The following NFE2L1 variants were observed in gnomAD, a reference collection of about 807,000 sequenced individuals.
NFE2L1 encodes the protein endoplasmic reticulum membrane sensor NFE2L1.
NFE2L1 carries 18 observed loss-of-function variants against 61.6 expected under a neutral mutation model. The ratio of observed to expected loss-of-function variants is 0.29; its 90% CI spans 0.20 to 0.43. The LOEUF (loss-of-function observed/expected upper bound fraction) is 0.43. Among genes scored for constraint, NFE2L1 ranks in the 20% least tolerant of loss-of-function variants. The probability of loss-of-function intolerance (pLI) is 1.00; values close to 1 mark genes in which losing one functional copy is unlikely to be tolerated. For missense variants in NFE2L1, 827 were observed against 973.5 expected (o/e 0.85, Z 2.00); for synonymous variants, 419 against 402.7 (o/e 1.04, Z -0.48).
chr17:48,058,936 C>T lies in NFE2L1; in HGVS notation c.1614C>T (p.Ala538=), dbSNP rs1254170898. 1.2e-5 allele frequency: 20 copies of T among 1,613,782 alleles called. No individual in the cohort carries two copies. Among genetic ancestry groups the T allele is most frequent in the Middle Eastern group, 1.6e-4 (1 of 6,084 alleles). The change falls in exon 6 of 6, where the codon GCC becomes GCT. Residue 538 remains alanine, a synonymous_variant. Transcript: ENST00000362042. ...CTGAGACCCTGGATCTGGAAGAGGC[C>T]GAGGGTGCTGTGGGCTACCAGCCTG... ...SDSETLDLEE[A]EGAVGYQPEY...
intron 2 of NFE2L1, chr17:48,055,210 T>C: frequency 7.8e-7 from 1 of 1,281,208 alleles, no homozygotes; most frequent in Non-Finnish European, 9.9e-7. Flanking sequence ...TCAGGGGGGG[T>C]TAATGGGAGA....
intron 2 of NFE2L1, chr17:48,054,704 C>G: frequency 7.7e-7 from 1 of 1,294,234 alleles, no homozygotes; most frequent in Non-Finnish European, 9.8e-7. Context: ...GCTTGCTTTC[C>G]TCTGCAGCTT....
chr17:48,054,794 A>G (rs1190464283), intron 2 of NFE2L1: 25 of 1,280,778 alleles, frequency 2.0e-5, no homozygotes, highest in Non-Finnish European at 2.5e-5. Context: ...TGGGCGCCTG[A>G]GTGGAACTGG....
rs1212761191 is a variant in NFE2L1, at chr17:48,059,149, G to A, written c.1827G>A (p.Lys609=). The change falls in exon 6 of 6, where the codon AAG becomes AAA. Residue 609 remains lysine, a synonymous_variant. Transcript: ENST00000362042. This position sits in a 1 kb window ranked among gnomAD's most constrained non-coding sequence, Gnocchi z 6.1. ...AGAAGCAGGCTGACTTCCTGGACAA[G>A]CAGATGAGCCGGGATGAGCACCGAG... ...SKEKQADFLD[K]QMSRDEHRAR... The A allele has an allele frequency of 1.2e-6, 2 of 1,614,076 alleles. No homozygotes were observed. The highest frequency in any genetic ancestry group is 1.7e-6 in the Non-Finnish European group (2 of 1,180,030).
chr17:48,054,545 C>CT (rs2037340225), intron 2 of NFE2L1: 5 of 1,190,328 alleles, frequency 4.2e-6, no homozygotes, highest in Non-Finnish European at 4.2e-6. Context: ...CGCAGCCCAG[C>CT]TGCTGACCTG....
Position 48,058,520 on chromosome 17 carries a change from A to G in NFE2L1, c.1198A>G (p.Asn400Asp), listed in dbSNP as rs780047709. 6.2e-7 allele frequency: 1 copy of G among 1,613,300 alleles called. No individual in the cohort carries two copies. The highest frequency in any genetic ancestry group is 8.5e-7 in the Non-Finnish European group (1 of 1,179,542). ...SSTLLPLAPS[N>D]STSLNSTFGS... ...CACGCTGCTCCCGTTGGCCCCCAGCAATTCTACCAGCCTCAACTCCACCTT... is the reference window on the plus strand; with the variant it reads ...CACGCTGCTCCCGTTGGCCCCCAGCGATTCTACCAGCCTCAACTCCACCTT... Residue 400 changes from asparagine (N) to aspartate (D), a missense_variant, in exon 6 of 6, where the codon AAT becomes GAT. By Grantham distance (23) the Asn-to-Asp change is conservative. Transcript: ENST00000362042.
At position 48,059,152 on chromosome 17, in the gene NFE2L1, G is replaced by A. The variant is rs936946786; in HGVS notation, c.1830G>A (p.Gln610=). The A allele has an allele frequency of 1.2e-6, 2 of 1,614,060 alleles. No homozygotes were observed. Among genetic ancestry groups the A allele is most frequent in the South Asian group, 1.1e-5 (1 of 91,078 alleles). ...AGCAGGCTGACTTCCTGGACAAGCA[G>A]ATGAGCCGGGATGAGCACCGAGCCC... ...KEKQADFLDK[Q]MSRDEHRARA... Residue 610 remains glutamine, a synonymous_variant, in exon 6 of 6, where the codon CAG becomes CAA. Transcript: ENST00000362042. The surrounding 1 kb of genome is among the most constrained non-coding windows in gnomAD (Gnocchi z 6.1).
In NFE2L1 at chr17:48,058,379, C is replaced by G. The variant is rs146514373; in HGVS notation, c.1057C>G (p.Pro353Ala). The change falls in exon 6 of 6, where the codon CCC becomes GCC. Residue 353 changes from proline (P) to alanine (A), a missense_variant. Physicochemically the swap from Pro to Ala is conservative, Grantham distance 27. Around this residue, in one of 3 missense-constraint regions of NFE2L1, gnomAD observed 667 missense variants for 748.4 expected, o/e 0.89. Coordinates refer to ENST00000362042, the MANE Select transcript of NFE2L1 (RefSeq NM_003204.3). ...DPLSTNYSLA[P>A]NTPINQNVSL... ...ACTGAGCACCAACTACAGCCTTGCC[C>G]CCAACACTCCCATCAATCAGAATGT... 55 of 1,614,162 alleles carry G rather than the reference C, an allele frequency of 3.4e-5. No individual in the cohort carries two copies. In the African/African-American group the frequency reaches 6.3e-4, roughly 18 times the overall value.
At chr17:48,056,732 G>T in intron 3 of NFE2L1, 134 bp downstream of exon 3, 1 of 1,148,018 alleles carries the variant, frequency 8.7e-7, no homozygotes, top group Non-Finnish European at 1.2e-6. Context: ...TCTGTTTTGG[G>T]TTGGGGTCTG....
intron 2 of NFE2L1, chr17:48,055,993 A>G (rs911472498): frequency 4.1e-5 from 8 of 195,032 alleles, no homozygotes; most frequent in Non-Finnish European, 7.5e-5. Context: ...TGCCATGGCC[A>G]GCTTCCTCCA....
rs920338298 is a variant in NFE2L1 at position 48,060,352 on chromosome 17, G to A, written c.*711G>A. On this transcript the variant is annotated 3_prime_UTR_variant, in exon 6 of 6. Coordinates refer to ENST00000362042, the MANE Select transcript of NFE2L1 (RefSeq NM_003204.3). ...CTGGCTTTGAGATTTAGAGTCAAAG[G>A]GTAGAGTGAACAGGAAAGGGTCACG... 3.3e-5 allele frequency: 5 copies of A among 152,756 alleles called. No individual in the cohort carries two copies. The highest frequency in any genetic ancestry group is 6.5e-5 in the Admixed American group (1 of 15,282). The allele number at this position is 152,756 out of a possible 1,614,324, so 9.5% of individuals were successfully genotyped here.
At chr17:48,055,155 G>A in intron 2 of NFE2L1, 1 of 1,370,700 alleles carries the variant, frequency 7.3e-7, no homozygotes, top group Non-Finnish European at 9.4e-7. Context: ...GTTCAGGTTG[G>A]TGTATGTGGG....
rs1369707463 is a variant in NFE2L1, at chr17:48,058,709, C to T, written c.1387C>T (p.Pro463Ser). ...CCTGGCCATTGAAGAAGGCTTTAAC[C>T]CTGTGCAGGCCTCCCAGCTGGAGGA... ...MDLAIEEGFN[P>S]VQASQLEEEF... Residue 463 changes from proline to serine, a missense_variant, in exon 6 of 6, where the codon CCT becomes TCT. Coordinates refer to ENST00000362042, the MANE Select transcript of NFE2L1 (RefSeq NM_003204.3). 6.2e-7 allele frequency: 1 copy of T among 1,614,180 alleles called. No individual in the cohort carries two copies. The highest frequency in any genetic ancestry group is 8.5e-7 in the Non-Finnish European group (1 of 1,180,044).
chr17:48,053,795 G>A (rs1008958100), intron 2 of NFE2L1, among the ~76,000 whole-genome samples: 2 of 152,122 alleles, frequency 1.3e-5, no homozygotes, highest in Non-Finnish European at 2.9e-5. Context: ...GATGAGATAT[G>A]GGCCAGGAAT....
chr17:48,056,101 G>A (rs2037393947), intron 2 of NFE2L1: 1 of 390,294 alleles, frequency 2.6e-6, no homozygotes, highest in Non-Finnish European at 4.7e-6. Flanking sequence ...CCTTTTGTCT[G>A]GGTGTGTCTT....
Position 48,056,616 on chromosome 17 carries a change from C to T in NFE2L1, c.723+18C>T. 1.2e-6 allele frequency: 2 copies of T among 1,610,492 alleles called. No homozygotes were observed. Among genetic ancestry groups the T allele is most frequent in the Non-Finnish European group, 8.5e-7 (1 of 1,178,558 alleles). ...CTGCACAGGTACCATCGCCCCTGCT[C>T]ACTGGGCTCTCTTCTTGTCCCTACT... On this transcript the variant is annotated intron_variant, in intron 3 of 5. Transcript: ENST00000362042.
intron 1 of NFE2L1, among the ~76,000 whole-genome samples, 158 bp from the exon 2 acceptor site, chr17:48,050,449 A>G (rs1298767150): frequency 6.6e-6 from 1 of 151,994 alleles, no homozygotes; most frequent in Non-Finnish European, 1.5e-5. Flanking sequence ...ACTGCACTCT[A>G]GCCTGGGCGA....
At chr17:48,053,054 T>C (rs1208441449) in intron 2 of NFE2L1, among the ~76,000 whole-genome samples, 1 of 152,160 alleles carries the variant, frequency 6.6e-6, no homozygotes, top group East Asian at 1.9e-4. Flanking sequence ...TCAAGTGGGC[T>C]CTAATCTTGG....
chr17:48,057,896 G>A (rs1229972919), intron 5 of NFE2L1, among the ~76,000 whole-genome samples: 1 of 152,172 alleles, frequency 6.6e-6, no homozygotes, highest in African/African-American at 2.4e-5. Context: ...TATCTCAAAG[G>A]TGAGGAAATT....
Sources: gnomAD v4.1 joint callset for allele counts (sites outside exome capture counted in the v4.1 genomes callset) on GRCh38, gnomAD v4.1.1 for gene constraint, gnomAD v4.1.1 regional missense constraint, Gnocchi (gnomAD v3.1) non-coding constraint, MANE v1.5 for transcripts, NCBI Gene and HGNC (gene_info 2026-07-23, HGNC 2026-07-21) for gene names.